Variants in LAMB1 observed in about 807,000 individuals in gnomAD.
LAMB1 encodes the protein laminin subunit beta-1.
A neutral mutation model predicts 222.3 loss-of-function variants in LAMB1; 121 were observed. The ratio of observed to expected loss-of-function variants is 0.54; its 90% CI spans 0.47 to 0.63. The LOEUF is 0.63. Among genes scored for constraint, LAMB1 ranks in the 30% least tolerant of loss-of-function variants. The pLI is 0.00. For synonymous variants in LAMB1, 794 were observed against 807.2 expected (o/e 0.98, Z 0.28); for missense variants, 2,172 against 2,240.8 (o/e 0.97, Z 0.62).
intron 30 of LAMB1, 99 bp downstream of exon 30, chr7:107,929,313 G>C: frequency 6.7e-7 from 1 of 1,491,020 alleles, no homozygotes; most frequent in African/African-American, 1.4e-5. Context: ...AGAGAGACTC[G>C]CATAGGTCCT....
chr7:107,960,217 C>A (rs1319415343), intron 18 of LAMB1, among the ~76,000 whole-genome samples: 1 of 152,194 alleles, frequency 6.6e-6, no homozygotes, highest in East Asian at 1.9e-4. Flanking sequence ...ATGGACTTTT[C>A]CCCTGGTCAC....
At position 107,952,072 on chromosome 7, in the gene LAMB1, A is replaced by G. The variant is rs201825797; in HGVS notation, c.3231T>C (p.Ser1077=). 1.9e-6 allele frequency: 3 copies of G among 1,614,110 alleles called. No individual in the cohort carries two copies. Among genetic ancestry groups the G allele is most frequent in the Non-Finnish European group, 2.5e-6 (3 of 1,180,008 alleles). Residue 1077 remains serine, a synonymous_variant, in exon 23 of 34, where the codon AGT becomes AGC. Transcript: ENST00000222399. Reference sequence around the variant, plus strand: ...AGTTGCATGGGTCACAGCCAGTGCCACTGGCCAGCTGCCAGGTATTGGGCG... The same window carrying G: ...AGTTGCATGGGTCACAGCCAGTGCCGCTGGCCAGCTGCCAGGTATTGGGCG... ...RCAPNTWQLA[S]GTGCDPCNCN...
intron 20 of LAMB1, among the ~76,000 whole-genome samples, chr7:107,956,685 G>A (rs2033384911): frequency 6.6e-6 from 1 of 152,212 alleles, no homozygotes. Context: ...GCCCACGGTG[G>A]CCACAGGTCT....
chr7:107,927,318 T>C (rs940274025), intron 31 of LAMB1, among the ~76,000 whole-genome samples: 7 of 152,230 alleles, frequency 4.6e-5, no homozygotes, highest in Admixed American at 2.0e-4. Flanking sequence ...TTGTTTCTTA[T>C]TGTTACTAAC....
At position 107,986,104 on chromosome 7, in the gene LAMB1, G is replaced by C. The variant is rs747968211; in HGVS notation, c.613-19C>G. ...ATATCACCTAAAAATGGAAACAAGA[G>C]TAATTGGTACTTCTGCAATAATCAA... On this transcript the variant is annotated intron_variant, in intron 6 of 33. Coordinates refer to ENST00000222399, the MANE Select transcript of LAMB1 (RefSeq NM_002291.3). The C allele has an allele frequency of 1.2e-6, 2 of 1,611,354 alleles. No individual in the cohort carries two copies. The highest frequency in any genetic ancestry group is 1.7e-6 in the Non-Finnish European group (2 of 1,177,504).
At position 107,960,499 on chromosome 7, in the gene LAMB1, C is replaced by T. The variant is rs2150427925; in HGVS notation, c.2260G>A (p.Val754Ile). The change falls in exon 18 of 34, where the codon GTT (valine) becomes ATT (isoleucine). Residue 754 changes from valine (V) to isoleucine (I), a missense_variant. By Grantham distance (29) the Val-to-Ile change is conservative. Coordinates refer to ENST00000222399, the MANE Select transcript of LAMB1 (RefSeq NM_002291.3). The stretch of plus-strand genomic sequence containing the variant: ...ATGCTAAAGATGATGTTTCTGCAAA[C>T]ATCTGTCATCGGTGTTTTCACAACG... ...RSVVKTPMTD[V>I]CRNIIFSISA... 2 of 1,614,246 alleles carry T rather than the reference C, an allele frequency of 1.2e-6. No homozygotes were observed. The highest frequency in any genetic ancestry group is 1.7e-6 in the Non-Finnish European group (2 of 1,180,038).
At position 107,940,227 on chromosome 7, in the gene LAMB1, C is replaced by G. The variant is rs1161011929; in HGVS notation, c.3523G>C (p.Asp1175His). 3 of 1,614,068 alleles carry G rather than the reference C, an allele frequency of 1.9e-6. No homozygotes were observed. Among genetic ancestry groups the G allele is most frequent in the Non-Finnish European group, 1.7e-6 (2 of 1,180,042 alleles). Residue 1175 changes from aspartate to histidine, a missense_variant, in exon 25 of 34, where the codon GAC becomes CAC. By Grantham distance (81) the Asp-to-His change is moderately conservative (BLOSUM62 -1). Transcript: ENST00000222399. ...CTRGYSGVFP[D>H]CTPCHQCFAL... ...AAGCACTGGTGGCAGGGTGTGCAGT[C>G]AGGGAAGACCCCCGAGTACCCTCGC...
At chr7:107,927,281 T>C (rs1300750518) in intron 31 of LAMB1, among the ~76,000 whole-genome samples, 1 of 152,230 alleles carries the variant, frequency 6.6e-6, no homozygotes, top group Non-Finnish European at 1.5e-5. Flanking sequence ...TAAGCTTTCA[T>C]GAACACAGTT....
intron 29 of LAMB1, 127 bp downstream of exon 29, chr7:107,931,229 A>G (rs1427060553): frequency 1.3e-6 from 1 of 762,112 alleles, no homozygotes; most frequent in Non-Finnish European, 2.1e-6. Flanking sequence ...GAAACATTTA[A>G]TATACGGACG....
At chr7:107,997,555 C>T (rs2034303687) in intron 4 of LAMB1, among the ~76,000 whole-genome samples, 1 of 152,186 alleles carries the variant, frequency 6.6e-6, no homozygotes, top group Admixed American at 6.5e-5. Flanking sequence ...ATAAAGAAAT[C>T]TAGTAGTCTC....
At chr7:107,943,461 A>G (rs1206930083) in intron 24 of LAMB1, among the ~76,000 whole-genome samples, 3 of 152,204 alleles carry the variant, frequency 2.0e-5, no homozygotes, top group African/African-American at 7.2e-5. Flanking sequence ...TTAAGAGTTT[A>G]TGTTGTTTAG....
At chr7:107,999,372 G>A (rs1171957774) in intron 3 of LAMB1, among the ~76,000 whole-genome samples, 2 of 152,202 alleles carry the variant, frequency 1.3e-5, no homozygotes, top group African/African-American at 4.8e-5. Flanking sequence ...TTTCTGAAAT[G>A]CAGACTATTC....
At chr7:107,930,731 G>A (rs2032687177) in intron 29 of LAMB1, among the ~76,000 whole-genome samples, 1 of 152,198 alleles carries the variant, frequency 6.6e-6, no homozygotes, top group South Asian at 2.1e-4. Flanking sequence ...AACTTTGGCA[G>A]CTACCTTGTA....
chr7:107,963,079 A>G lies in LAMB1; in HGVS notation c.1699-16T>C. ...TGCTAACCCCCTGAGGGCATGGCAA[A>G]CAATGGTTATTCTGTATTTGAAATG... On this transcript the variant is annotated splice_polypyrimidine_tract_variant and intron_variant, in intron 14 of 33. Transcript: ENST00000222399. The G allele has an allele frequency of 6.3e-7, 1 of 1,587,328 alleles. No homozygotes were observed. Among genetic ancestry groups the G allele is most frequent in the Non-Finnish European group, 8.6e-7 (1 of 1,165,230 alleles).
intron 13 of LAMB1, among the ~76,000 whole-genome samples, chr7:107,970,182 C>T (rs1019195478): frequency 3.3e-5 from 5 of 151,996 alleles, no homozygotes; most frequent in Non-Finnish European, 5.9e-5. Context: ...GGCTTCACCA[C>T]GGTGAGTTCA....
chr7:107,999,751 T>C (rs2034347772), intron 3 of LAMB1: 1 of 146,608 alleles, frequency 6.8e-6, no homozygotes, highest in Non-Finnish European at 1.5e-5. Context: ...CCAGAGAGCC[T>C]GGCTCCAGTT....
chr7:107,929,661 T>C, intron 29 of LAMB1, 42 bp from the exon 30 acceptor site: 4 of 1,530,190 alleles, frequency 2.6e-6, no homozygotes, highest in Non-Finnish European at 3.6e-6. Flanking sequence ...GTGAAAAGAA[T>C]AGATGGTTCA....
Position 107,959,709 on chromosome 7 carries a change from C to G in LAMB1, c.2440G>C (p.Gly814Arg), listed in dbSNP as rs2033455252. ...AACCTACGTTTGCATCCACTGGGGCCAAAGCCAAAAGTTCCAGGTGCACAT... is the reference window on the plus strand; with the variant it reads ...AACCTACGTTTGCATCCACTGGGGCGAAAGCCAAAAGTTCCAGGTGCACAT... ...NRCAPGTFGF[G>R]PSGCKPCECH... The change falls in exon 19 of 34, where the codon GGC becomes CGC. Residue 814 changes from glycine to arginine, a missense_variant. By Grantham distance (125) the Gly-to-Arg change is moderately radical (BLOSUM62 -2). Coordinates refer to ENST00000222399, the MANE Select transcript of LAMB1 (RefSeq NM_002291.3). 24 of 1,614,194 alleles carry G rather than the reference C, an allele frequency of 1.5e-5. No homozygotes were observed. The highest frequency in any genetic ancestry group is 2.0e-5 in the Non-Finnish European group (24 of 1,180,046).
intron 13 of LAMB1, among the ~76,000 whole-genome samples, chr7:107,968,506 G>C (rs750719316): frequency 1.3e-5 from 2 of 152,168 alleles, no homozygotes; most frequent in Non-Finnish European, 1.5e-5. Flanking sequence ...AAGATGGAGC[G>C]ATTATTGGAT....
Sources: gnomAD v4.1 joint callset for allele counts (sites outside exome capture counted in the v4.1 genomes callset) on GRCh38, gnomAD v4.1.1 for gene constraint, MANE v1.5 for transcripts, NCBI Gene and HGNC (gene_info 2026-07-23, HGNC 2026-07-21) for gene names.